The following TRPM3 variants were observed in gnomAD, a reference collection of about 807,000 sequenced individuals.
TRPM3 encodes long transient receptor potential channel 3.
Under a neutral mutation model 181.2 loss-of-function variants are expected in TRPM3, and 77 were observed. The ratio of observed to expected loss-of-function variants is 0.42; its 90% CI spans 0.35 to 0.51. TRPM3 has a LOEUF of 0.51. Among genes scored for constraint, TRPM3 ranks in the 20% least tolerant of loss-of-function variants. The pLI, the probability that TRPM3 is intolerant of heterozygous loss-of-function variation, is 0.01. For missense variants in TRPM3, 1,759 were observed against 2,196.7 expected (o/e 0.80, Z 3.98); for synonymous variants, 745 against 796.4 (o/e 0.94, Z 1.09).
intron 1 of TRPM3, among the ~76,000 whole-genome samples, chr9:71,096,590 A>ACTCTCTCTCTCTCTCTCTCTCTCTCT (rs71367255): frequency 3.3e-5 from 3 of 90,040 alleles, no homozygotes; most frequent in African/African-American, 1.5e-4. Context: ...ACACACACAC[A>ACTCTCTCTCTCTCTCTCTCTCTCTCT]CTCTCTCTCT....
chr9:70,753,555 A>G (rs1488300735), intron 8 of TRPM3, among the ~76,000 whole-genome samples: 1 of 152,206 alleles, frequency 6.6e-6, no homozygotes, highest in East Asian at 1.9e-4. Context: ...GGGAACCCAG[A>G]TGGGAGCAGG....
chr9:71,100,728 C>A (rs1470891503), intron 1 of TRPM3, among the ~76,000 whole-genome samples: 1 of 152,138 alleles, frequency 6.6e-6, no homozygotes. Flanking sequence ...ATGAAGTTCA[C>A]TCCTTGCCCA....
chr9:71,217,770 A>G (rs2079988574), intron 1 of TRPM3, among the ~76,000 whole-genome samples: 1 of 152,180 alleles, frequency 6.6e-6, no homozygotes, highest in Non-Finnish European at 1.5e-5. Flanking sequence ...CAAACCTGGT[A>G]TCTTGGGCAT....
intron 8 of TRPM3, among the ~76,000 whole-genome samples, chr9:70,698,207 C>CAAA (rs35974302): frequency 8.5e-6 from 1 of 117,298 alleles, no homozygotes; most frequent in Non-Finnish European, 1.7e-5. Flanking sequence ...GACTCTGTCT[C>CAAA]AAAAAAAAAA....
At chr9:70,785,912 G>T (rs2083480618) in intron 6 of TRPM3, among the ~76,000 whole-genome samples, 1 of 152,274 alleles carries the variant, frequency 6.6e-6, no homozygotes, top group African/African-American at 2.4e-5. Context: ...ATTTCTTTCA[G>T]TTCCTAGAGG....
chr9:71,023,086 C>T (rs181807582), intron 1 of TRPM3, among the ~76,000 whole-genome samples: 1 of 152,128 alleles, frequency 6.6e-6, no homozygotes, highest in Admixed American at 6.5e-5. Flanking sequence ...ATTTGCACAC[C>T]TCATATCTGA....
rs1347500285 is a variant in TRPM3, at chr9:71,185,724, T to TGCTTTTGGGTAG, written c.183+260928_183+260929insCTACCCAAAAGC. On this transcript the variant is annotated intron_variant, in intron 1 of 24. Coordinates refer to the TRPM3 transcript ENST00000357533. Reference sequence around the variant, plus strand: ...CTGCTTTGGGTAGTCATCTAAATATTTCACAGATCAGGAAACTGAAGCTAG... The same window carrying TGCTTTTGGGTAG: ...CTGCTTTGGGTAGTCATCTAAATATTGCTTTTGGGTAGTCACAGATCAGGAAACTGAAGCTAG... 1.8e-4 allele frequency among the ~76,000 whole-genome samples: 28 copies of TGCTTTTGGGTAG among 152,174 alleles called. 1 individual carries two copies. The East Asian group carries it at 5.4e-3, about 29-fold the overall frequency.
At chr9:71,108,232 G>T (rs1414597002) in intron 1 of TRPM3, among the ~76,000 whole-genome samples, 1 of 152,142 alleles carries the variant, frequency 6.6e-6, no homozygotes, top group African/African-American at 2.4e-5. Flanking sequence ...TTAGCAAAAG[G>T]TATAGAAAAA....
chr9:71,389,573 G>T (rs988684411), intron 1 of TRPM3, among the ~76,000 whole-genome samples: 1 of 152,006 alleles, frequency 6.6e-6, no homozygotes, highest in Non-Finnish European at 1.5e-5. Context: ...AAAATCATGG[G>T]ACCAACCCAA....
At chr9:71,043,889 T>C (rs2059116654) in intron 1 of TRPM3, among the ~76,000 whole-genome samples, 1 of 152,196 alleles carries the variant, frequency 6.6e-6, no homozygotes, top group Non-Finnish European at 1.5e-5. Context: ...ATTCACAAAG[T>C]CTAGTAGTCT....
chr9:71,383,147 T>A (rs530684546), intron 1 of TRPM3, among the ~76,000 whole-genome samples: 5 of 152,306 alleles, frequency 3.3e-5, no homozygotes, highest in African/African-American at 1.2e-4. Context: ...CTCTAACATT[T>A]TACACCAGCA....
intron 1 of TRPM3, among the ~76,000 whole-genome samples, chr9:70,914,593 T>C (rs2096571692): frequency 6.6e-6 from 1 of 152,180 alleles, no homozygotes; most frequent in Non-Finnish European, 1.5e-5. Flanking sequence ...TCCAGTGTCC[T>C]TGAGCAAACA....
At position 70,553,348 on chromosome 9, in the gene TRPM3, C is replaced by A. The variant is rs760288633; in HGVS notation, c.3224-38G>T. 2.5e-6 allele frequency: 4 copies of A among 1,600,936 alleles called. No individual in the cohort carries two copies. In the Admixed American group the frequency reaches 5.1e-5, roughly 20 times the overall value. On this transcript the variant is annotated intron_variant, in intron 22 of 25. Coordinates refer to ENST00000677713, the MANE Select transcript of TRPM3 (RefSeq NM_001366145.2). ...ACACACACAAGAAATGAGAAACTGGCTATTTGAGTTAGAAAAAAAATAAAA... is the reference window on the plus strand; with the variant it reads ...ACACACACAAGAAATGAGAAACTGGATATTTGAGTTAGAAAAAAAATAAAA...
intron 1 of TRPM3, among the ~76,000 whole-genome samples, chr9:71,099,232 G>A (rs564847128): frequency 7.2e-5 from 11 of 152,130 alleles, no homozygotes; most frequent in Non-Finnish European, 1.3e-4. Flanking sequence ...TTCACATAGT[G>A]GAAGATGCAA....
chr9:70,667,400 G>A (rs980466259), intron 9 of TRPM3, among the ~76,000 whole-genome samples: 17 of 152,212 alleles, frequency 1.1e-4, no homozygotes, highest in African/African-American at 4.1e-4. Flanking sequence ...CAGCACACTG[G>A]GAACCAAGTT....
intron 1 of TRPM3, among the ~76,000 whole-genome samples, chr9:70,943,749 T>C (rs1272866861): frequency 6.6e-6 from 1 of 152,162 alleles, no homozygotes; most frequent in Non-Finnish European, 1.5e-5. Flanking sequence ...AATTTTAATA[T>C]TTATTAGTCA....
chr9:70,911,468 T>C (rs2096537147), intron 1 of TRPM3, among the ~76,000 whole-genome samples: 1 of 152,172 alleles, frequency 6.6e-6, no homozygotes, highest in East Asian at 1.9e-4. Context: ...AAATGAACCC[T>C]CTTACAAATT....
At chr9:70,979,921 C>T (rs557973914) in intron 1 of TRPM3, among the ~76,000 whole-genome samples, 1 of 152,022 alleles carries the variant, frequency 6.6e-6, no homozygotes, top group African/African-American at 2.4e-5. Flanking sequence ...GGATTAGGGC[C>T]CCATGCTTAT....
chr9:71,223,367 T>C (rs2080364536), intron 1 of TRPM3, among the ~76,000 whole-genome samples: 1 of 152,102 alleles, frequency 6.6e-6, no homozygotes, highest in South Asian at 2.1e-4. Context: ...TCTGCTGACA[T>C]AAAAGCCTTG....
Sources: allele counts gnomAD v4.1 joint callset (sites outside exome capture counted in the v4.1 genomes callset), GRCh38; gene constraint gnomAD v4.1.1; transcripts MANE v1.5; gene names NCBI Gene and HGNC (gene_info 2026-07-23, HGNC 2026-07-21).